Variants in COG5 observed in about 807,000 individuals in gnomAD.
COG5 encodes conserved oligomeric Golgi complex subunit 5.
Under a neutral mutation model 110.4 loss-of-function variants are expected in COG5, and 86 were observed. That is an observed-to-expected ratio of 0.78 (90% CI 0.65 to 0.93). COG5 has a LOEUF of 0.93. COG5 is among the 40% of genes least tolerant of loss of function. The probability of loss-of-function intolerance (pLI) is 0.00; values close to 1 mark genes in which losing one functional copy is unlikely to be tolerated. For missense variants in COG5, 1,077 were observed against 987.0 expected (o/e 1.09, Z -1.22); for synonymous variants, 360 against 334.6 (o/e 1.08, Z -0.83).
intron 11 of COG5, among the ~76,000 whole-genome samples, chr7:107,309,325 T>C (rs1405126304): frequency 6.6e-6 from 1 of 152,128 alleles, no homozygotes; most frequent in African/African-American, 2.4e-5. Flanking sequence ...AAAGATTATT[T>C]TGATTTTTAC....
At chr7:107,289,459 A>G (rs546605462) in intron 12 of COG5, among the ~76,000 whole-genome samples, 2 of 151,704 alleles carry the variant, frequency 1.3e-5, no homozygotes, top group Non-Finnish European at 2.9e-5. Context: ...TTCTTCTTCA[A>G]TATTGTTTTA....
chr7:107,322,483 G>C (rs1338570347), intron 11 of COG5, among the ~76,000 whole-genome samples: 1 of 152,048 alleles, frequency 6.6e-6, no homozygotes, highest in Admixed American at 6.5e-5. Flanking sequence ...AATGAACTAA[G>C]AAAGCATCAT....
chr7:107,561,699 G>A (rs946200228), intron 1 of COG5, among the ~76,000 whole-genome samples: 7 of 152,206 alleles, frequency 4.6e-5, no homozygotes, highest in African/African-American at 1.7e-4. Flanking sequence ...AGACTCGGCC[G>A]GGCGTGGTGG....
intron 7 of COG5, among the ~76,000 whole-genome samples, chr7:107,388,452 G>A (rs1790363683): frequency 6.6e-6 from 1 of 152,044 alleles, no homozygotes; most frequent in Non-Finnish European, 1.5e-5. Context: ...ATGGCACATC[G>A]AACATTCCAC....
chr7:107,236,600 G>C lies in COG5; in HGVS notation c.1941C>G (p.Asp647Glu). Residue 647 changes from aspartate (D) to glutamate (E), a missense_variant, in exon 18 of 22, where the codon GAC (aspartate) becomes GAG (glutamate). Transcript: ENST00000297135. ...CCAAGCATTCAAAGTGTTTAAAATA[G>C]TCACTCATAACTCTGGCAATGAAAC... ...LQGFIARVMS[D>E]YFKHFECLDF... 2.5e-6 allele frequency: 4 copies of C among 1,614,052 alleles called. No homozygotes were observed. Among genetic ancestry groups the C allele is most frequent in the Non-Finnish European group, 3.4e-6 (4 of 1,179,962 alleles).
rs909325841 is a variant in COG5, at chr7:107,202,604, G to GGAGAT, written c.*907_*911dup. 4 of 152,486 alleles carry GGAGAT rather than the reference G, an allele frequency of 2.6e-5. No homozygotes were observed. Among genetic ancestry groups the GGAGAT allele is most frequent in the East Asian group, 3.9e-4 (2 of 5,178 alleles). 9.4% of individuals were successfully genotyped at this position (152,486 alleles called of 1,614,324 possible). On this transcript the variant is annotated 3_prime_UTR_variant, in exon 22 of 22. Coordinates refer to ENST00000297135, the MANE Select transcript of COG5 (RefSeq NM_006348.5). ...ATGAGTTCTCAGAATAACAGGTTCAGGAGATGAGATGGAAAACATAAGGCA... is the reference window on the plus strand; with the variant it reads ...ATGAGTTCTCAGAATAACAGGTTCAGGAGATGAGATGAGATGGAAAACATAAGGCA...
At chr7:107,491,031 G>C (rs1797944877) in intron 6 of COG5, among the ~76,000 whole-genome samples, 1 of 151,922 alleles carries the variant, frequency 6.6e-6, no homozygotes. Flanking sequence ...ACTAATCCTT[G>C]CAGTTTTTAT....
chr7:107,316,087 C>A (rs1012038165), intron 11 of COG5, among the ~76,000 whole-genome samples: 12 of 151,992 alleles, frequency 7.9e-5, no homozygotes, highest in African/African-American at 2.7e-4. Flanking sequence ...GTTGAGAAAT[C>A]AACAGAATGA....
At chr7:107,281,673 G>T (rs1805178789) in intron 13 of COG5, among the ~76,000 whole-genome samples, 1 of 152,170 alleles carries the variant, frequency 6.6e-6, no homozygotes, top group Non-Finnish European at 1.5e-5. Flanking sequence ...ATTGTGTACA[G>T]ATTTTTAAAG....
chr7:107,519,634 A>C (rs1235928547), intron 6 of COG5, among the ~76,000 whole-genome samples: 3 of 152,154 alleles, frequency 2.0e-5, no homozygotes, highest in Non-Finnish European at 4.4e-5. Flanking sequence ...AACAAGTCCC[A>C]AAATTGAGGC....
At chr7:107,544,720 A>C (rs543708150) in intron 5 of COG5, among the ~76,000 whole-genome samples, 2 of 152,218 alleles carry the variant, frequency 1.3e-5, no homozygotes, top group Non-Finnish European at 2.9e-5. Flanking sequence ...TCAAATGTGC[A>C]GGCACCAATA....
chr7:107,236,720 G>T (rs374501325), intron 17 of COG5, 33 bp from the exon 18 acceptor site: 1 of 1,372,134 alleles, frequency 7.3e-7, no homozygotes, highest in Non-Finnish European at 1.0e-6. Context: ...TTTCAGCACC[G>T]CTGCACTAAA....
At chr7:107,303,881 A>G (rs1262146065) in intron 11 of COG5, among the ~76,000 whole-genome samples, 2 of 152,236 alleles carry the variant, frequency 1.3e-5, no homozygotes, top group African/African-American at 4.8e-5. Flanking sequence ...AAGGAAAATT[A>G]CAGGTTAATT....
intron 10 of COG5, among the ~76,000 whole-genome samples, chr7:107,344,711 A>G (rs938543052): frequency 1.5e-4 from 23 of 152,122 alleles, no homozygotes; most frequent in Non-Finnish European, 2.6e-4. Context: ...TTTCGTAGAG[A>G]TGGGGTTTCT....
intron 10 of COG5, among the ~76,000 whole-genome samples, chr7:107,360,386 C>CCA (rs577756865): frequency 1.1e-3 from 165 of 152,284 alleles, no homozygotes; most frequent in African/African-American, 3.8e-3. Flanking sequence ...AACTCAGGAC[C>CCA]CACCAAATGG....
At chr7:107,364,756 A>G (rs772334142) in intron 8 of COG5, among the ~76,000 whole-genome samples, 5 of 152,210 alleles carry the variant, frequency 3.3e-5, no homozygotes, top group Non-Finnish European at 7.4e-5. Context: ...AAAGAATTAC[A>G]TGTACCTTTA....
At chr7:107,482,130 G>GA (rs574996834) in intron 6 of COG5, among the ~76,000 whole-genome samples, 13 of 139,956 alleles carry the variant, frequency 9.3e-5, no homozygotes, top group South Asian at 2.3e-4. Context: ...TTGCAGTCCT[G>GA]AAAAAAAAAT....
chr7:107,279,954 T>C (rs1478342112), intron 14 of COG5, among the ~76,000 whole-genome samples: 1 of 152,098 alleles, frequency 6.6e-6, no homozygotes, highest in Non-Finnish European at 1.5e-5. Context: ...AAGTACATAT[T>C]ACCATTACCA....
intron 17 of COG5, 40 bp downstream of exon 17, chr7:107,248,356 G>T: frequency 8.2e-7 from 1 of 1,219,186 alleles, no homozygotes; most frequent in Non-Finnish European, 1.2e-6. Flanking sequence ...ACAAAATAAA[G>T]GCAGTAAAAG....
Sources: gnomAD v4.1 joint callset for allele counts (sites outside exome capture counted in the v4.1 genomes callset) on GRCh38, gnomAD v4.1.1 for gene constraint, MANE v1.5 for transcripts, NCBI Gene and HGNC (gene_info 2026-07-23, HGNC 2026-07-21) for gene names.